DLGAP5: variants seen among roughly 807,000 people sequenced by gnomAD.
DLGAP5 encodes disks large-associated protein 5.
In DLGAP5, 90 loss-of-function variants were observed where a neutral mutation model predicts 99.6. The observed-to-expected ratio is 0.90, with a 90% CI of 0.76 to 1.08. The LOEUF is 1.08. DLGAP5 is among the 50% of genes least tolerant of loss of function. The pLI is 0.00. For missense variants in DLGAP5, 1,036 were observed against 983.5 expected, an observed-to-expected ratio of 1.05 and a Z score of -0.71; for synonymous variants, 311 against 321.3, an observed-to-expected ratio of 0.97 and a Z score of 0.34.
chr14:55,159,047 C>A (rs1170821283), intron 13 of DLGAP5, among the ~76,000 whole-genome samples: 2 of 148,886 alleles, frequency 1.3e-5, no homozygotes, highest in Non-Finnish European at 3.0e-5. Context: ...CATGACACCC[C>A]CCCCCCATAA....
At chr14:55,177,403 A>G (rs1030553593) in intron 7 of DLGAP5, 67 bp from the exon 8 acceptor site, 23 of 1,410,070 alleles carry the variant, frequency 1.6e-5, no homozygotes, top group Non-Finnish European at 2.2e-5. Flanking sequence ...ACCAATTTTT[A>G]TAGGTCTGAA....
At chr14:55,167,781 T>C (rs1028643898) in intron 12 of DLGAP5, among the ~76,000 whole-genome samples, 1 of 152,186 alleles carries the variant, frequency 6.6e-6, no homozygotes, top group Non-Finnish European at 1.5e-5. Flanking sequence ...TTTCAGAGTA[T>C]TGTTCTAGTT....
chr14:55,182,460 TAA>T (rs1170917801), intron 3 of DLGAP5, 28 bp from the exon 4 acceptor site: 11 of 1,576,194 alleles, frequency 7.0e-6, no homozygotes, highest in Non-Finnish European at 8.6e-6. Context: ...AAGATGAACT[TAA>T]AATATGAACT....
intron 2 of DLGAP5, among the ~76,000 whole-genome samples, chr14:55,185,556 G>A (rs985422179): frequency 2.0e-5 from 3 of 151,192 alleles, no homozygotes; most frequent in African/African-American, 7.3e-5. Context: ...GCGCAATCTT[G>A]GCTCACTGCA....
rs142593954 is a variant in DLGAP5, at chr14:55,174,466, C to T, written c.1301+880G>A. On this transcript the variant is annotated intron_variant, in intron 10 of 18. Coordinates refer to ENST00000247191, the MANE Select transcript of DLGAP5 (RefSeq NM_014750.5). ...TTGATGTCTGTGACCCACACCTATT[C>T]GCACACTCCCTCCCCTTTTGAAAAT... is the stretch of plus-strand genomic sequence containing the variant. Among the ~76,000 whole-genome samples, 282 of 152,178 alleles carry T rather than the reference C, an allele frequency of 1.9e-3. 1 individual carries two copies. In the Middle Eastern group the frequency reaches 0.027, roughly 15 times the overall value.
chr14:55,170,383 TA>T (rs1209193379), intron 11 of DLGAP5, among the ~76,000 whole-genome samples: 1 of 150,658 alleles, frequency 6.6e-6, no homozygotes. Flanking sequence ...AAGTCATATT[TA>T]AAAAGCTAAT....
intron 12 of DLGAP5, among the ~76,000 whole-genome samples, chr14:55,164,937 A>AG (rs1555328387): frequency 0.027 from 3,853 of 141,770 alleles, 280 homozygotes; most frequent in African/African-American, 0.092. Flanking sequence ...AAAAAAAAAA[A>AG]GAGAAATTTG....
chr14:55,151,626 T>C, intron 17 of DLGAP5, 69 bp downstream of exon 17: 1 of 1,480,680 alleles, frequency 6.8e-7, no homozygotes, highest in East Asian at 2.3e-5. Context: ...CCTTATAGGA[T>C]AATTTATACC....
intron 7 of DLGAP5, among the ~76,000 whole-genome samples, chr14:55,179,258 G>A (rs1218310621): frequency 6.6e-6 from 1 of 152,086 alleles, no homozygotes; most frequent in Non-Finnish European, 1.5e-5. Context: ...CTTGCCCAGG[G>A]TTATGCAACT....
intron 10 of DLGAP5, among the ~76,000 whole-genome samples, chr14:55,173,381 A>G (rs1882935952): frequency 6.6e-6 from 1 of 151,870 alleles, no homozygotes; most frequent in Non-Finnish European, 1.5e-5. Context: ...AGCTGAGATC[A>G]CATCACTGTA....
chr14:55,151,037 A>T (rs7493394), intron 17 of DLGAP5, among the ~76,000 whole-genome samples, 189 bp from the exon 18 acceptor site: 59,947 of 152,018 alleles, frequency 0.39, 12,173 homozygotes, highest in African/African-American at 0.41. Flanking sequence ...ATAAAAGCAG[A>T]CTTCTGTAAA....
chr14:55,190,579 G>C (rs1255500031), intron 1 of DLGAP5, among the ~76,000 whole-genome samples: 8 of 152,192 alleles, frequency 5.3e-5, no homozygotes, highest in African/African-American at 1.9e-4. Flanking sequence ...GAGGCTCTGT[G>C]ATAGACACAC....
At chr14:55,165,624 T>C (rs2140313894) in intron 12 of DLGAP5, among the ~76,000 whole-genome samples, 1 of 152,286 alleles carries the variant, frequency 6.6e-6, no homozygotes, top group East Asian at 1.9e-4. Context: ...AAAGAATCTG[T>C]TCCAAGACCC....
At chr14:55,158,458 C>T in intron 14 of DLGAP5, 64 bp downstream of exon 14, 1 of 1,401,560 alleles carries the variant, frequency 7.1e-7, no homozygotes, top group Non-Finnish European at 9.8e-7. Flanking sequence ...CCCATCTATC[C>T]CAAATATTTC....
intron 14 of DLGAP5, among the ~76,000 whole-genome samples, chr14:55,156,928 T>C (rs1882233886): frequency 6.6e-6 from 1 of 152,076 alleles, no homozygotes. Flanking sequence ...CTCCAGGAAG[T>C]AGAAGAAAAC....
At position 55,178,366 on chromosome 14, in the gene DLGAP5, CCTT is replaced by C. The variant is rs146327750; in HGVS notation, c.775-1033_775-1031del. 2.3e-4 allele frequency among the ~76,000 whole-genome samples: 35 copies of C among 152,224 alleles called. No individual in the cohort carries two copies. In the East Asian group the frequency reaches 6.4e-3, roughly 28 times the overall value. On this transcript the variant is annotated intron_variant, in intron 7 of 18. Transcript: ENST00000247191. ...TTAAATAACCTTAGATTATAAATAA[CCTT>C]AACACAAGAGCAATACTTTCAATGT...
At chr14:55,172,460 ATTCT>A (rs139345252) in intron 10 of DLGAP5, among the ~76,000 whole-genome samples, 37,830 of 151,778 alleles carry the variant, frequency 0.25, 5,575 homozygotes, top group Non-Finnish European at 0.32. Context: ...TTAGTACAAA[ATTCT>A]TTATTTTTAT....
At chr14:55,161,009 T>G (rs1381257985) in intron 13 of DLGAP5, among the ~76,000 whole-genome samples, 1 of 152,054 alleles carries the variant, frequency 6.6e-6, no homozygotes, top group Non-Finnish European at 1.5e-5. Context: ...ATAAGACACT[T>G]AAACATGTTT....
At chr14:55,158,803 C>G in intron 13 of DLGAP5, 62 bp from the exon 14 acceptor site, 1 of 1,195,028 alleles carries the variant, frequency 8.4e-7, no homozygotes. Flanking sequence ...AAACACACAA[C>G]AAACACAAAT....
Sources: gnomAD v4.1 joint callset for allele counts (sites outside exome capture counted in the v4.1 genomes callset) on GRCh38, gnomAD v4.1.1 for gene constraint, MANE v1.5 for transcripts, NCBI Gene and HGNC (gene_info 2026-07-23, HGNC 2026-07-21) for gene names.